Variants in RBFOX1 observed in about 807,000 individuals in gnomAD.
RBFOX1 encodes RNA binding fox-1 homolog 1.
In RBFOX1, 8 loss-of-function variants were observed where a neutral mutation model predicts 57.7. The observed-to-expected ratio is 0.14, with a 90% CI of 0.08 to 0.25. RBFOX1 has a LOEUF of 0.25. Ranked by LOEUF, RBFOX1 falls within the 10% of genes least tolerant of loss-of-function variation. RBFOX1 has a pLI of 1.00. For missense variants in RBFOX1, 611 were observed against 548.5 expected, an observed-to-expected ratio of 1.11 and a Z score of -1.14; for synonymous variants, 326 against 222.4, an observed-to-expected ratio of 1.47 and a Z score of -4.15.
At chr16:6,895,454 A>ATATATATG (rs1567761385) in intron 3 of RBFOX1, among the ~76,000 whole-genome samples, 1 of 74,158 alleles carries the variant, frequency 1.3e-5, no homozygotes, top group African/African-American at 6.7e-5. Flanking sequence ...GTGTGTATAT[A>ATATATATG]TATATATATA....
intron 4 of RBFOX1, among the ~76,000 whole-genome samples, chr16:7,150,762 A>G (rs2075959077): frequency 6.6e-6 from 1 of 152,238 alleles, no homozygotes; most frequent in Non-Finnish European, 1.5e-5. Context: ...TAGAACCAGC[A>G]GTGTTCACTG....
chr16:6,217,312 G>A (rs780026278), intron 1 of RBFOX1, among the ~76,000 whole-genome samples: 2 of 149,962 alleles, frequency 1.3e-5, no homozygotes, highest in Non-Finnish European at 3.0e-5. Flanking sequence ...TTCCTTTATT[G>A]GAGCATGCAT....
chr16:5,647,359 T>C (rs938427450), intron 3 of RBFOX1, among the ~76,000 whole-genome samples: 1 of 152,174 alleles, frequency 6.6e-6, no homozygotes, highest in Non-Finnish European at 1.5e-5. Context: ...TTTAGAAAAA[T>C]TAGGTCCCTT....
At chr16:6,140,301 C>T (rs541000989) in intron 1 of RBFOX1, among the ~76,000 whole-genome samples, 4 of 151,896 alleles carry the variant, frequency 2.6e-5, no homozygotes, top group Non-Finnish European at 5.9e-5. Flanking sequence ...AAGCGATTGT[C>T]CTGCTTCAGC....
At chr16:5,587,080 G>A (rs11863407) in intron 2 of RBFOX1, among the ~76,000 whole-genome samples, 15 of 152,258 alleles carry the variant, frequency 9.9e-5, no homozygotes, top group African/African-American at 3.4e-4. Flanking sequence ...TCTGAAAATG[G>A]ACATGGCCCA....
intron 3 of RBFOX1, among the ~76,000 whole-genome samples, chr16:6,776,300 A>G (rs910778537): frequency 6.6e-6 from 1 of 151,976 alleles, no homozygotes; most frequent in Non-Finnish European, 1.5e-5. Context: ...AGTCCCAGCT[A>G]CTCGGGGGGC....
chr16:5,831,713 G>T (rs149136151), intron 3 of RBFOX1, among the ~76,000 whole-genome samples: 4 of 151,912 alleles, frequency 2.6e-5, no homozygotes, highest in East Asian at 1.9e-4. Context: ...GGGATTACAG[G>T]TGTGAGCCAC....
chr16:6,606,521 C>A (rs2097928676), intron 2 of RBFOX1, among the ~76,000 whole-genome samples: 1 of 152,126 alleles, frequency 6.6e-6, no homozygotes, highest in South Asian at 2.1e-4. Context: ...TTCCCTCCTC[C>A]TTCCCCTCTA....
intron 3 of RBFOX1, among the ~76,000 whole-genome samples, chr16:6,702,336 C>T (rs1238368364): frequency 2.0e-5 from 3 of 152,090 alleles, no homozygotes; most frequent in African/African-American, 4.8e-5. Flanking sequence ...GGCAGATTAC[C>T]TGAGGTAAGG....
chr16:7,189,555 A>ACC (rs1491368106), intron 4 of RBFOX1, among the ~76,000 whole-genome samples: 3 of 78,064 alleles, frequency 3.8e-5, no homozygotes, highest in African/African-American at 1.1e-4. Context: ...GTCCCCCAAA[A>ACC]CACACACACA....
At chr16:5,544,883 A>G (rs146620986) in intron 2 of RBFOX1, among the ~76,000 whole-genome samples, 33 of 150,158 alleles carry the variant, frequency 2.2e-4, no homozygotes, top group African/African-American at 8.1e-4. Flanking sequence ...AGTTTTAGAG[A>G]TTGAATTTGT....
chr16:6,792,591 C>G (rs1488326820), intron 3 of RBFOX1, among the ~76,000 whole-genome samples: 1 of 152,182 alleles, frequency 6.6e-6, no homozygotes, highest in African/African-American at 2.4e-5. Flanking sequence ...GTGCCTCCTA[C>G]TACGAAGTCA....
At chr16:6,592,380 C>T (rs2097723618) in intron 2 of RBFOX1, among the ~76,000 whole-genome samples, 1 of 152,134 alleles carries the variant, frequency 6.6e-6, no homozygotes, top group Non-Finnish European at 1.5e-5. Context: ...ATGGGTGCTT[C>T]ATAATTAGGG....
chr16:5,302,433 A>G (rs1420019566), intron 1 of RBFOX1, among the ~76,000 whole-genome samples: 1 of 152,210 alleles, frequency 6.6e-6, no homozygotes, highest in Non-Finnish European at 1.5e-5. Context: ...CTGTCATACT[A>G]TAAATATCAA....
chr16:6,846,933 A>G (rs996603559), intron 3 of RBFOX1, among the ~76,000 whole-genome samples: 4 of 150,456 alleles, frequency 2.7e-5, no homozygotes, highest in African/African-American at 9.9e-5. Flanking sequence ...AAAAAAAAAG[A>G]GGTGATGGCT....
chr16:7,574,125 A>G (rs1227062161), intron 5 of RBFOX1, among the ~76,000 whole-genome samples: 2 of 152,192 alleles, frequency 1.3e-5, no homozygotes, highest in African/African-American at 2.4e-5. Flanking sequence ...CTGGGAACAT[A>G]CAGGCAGCAT....
chr16:7,017,703 C>G (rs1191617211), intron 3 of RBFOX1, among the ~76,000 whole-genome samples: 1 of 152,128 alleles, frequency 6.6e-6, no homozygotes, highest in Non-Finnish European at 1.5e-5. Context: ...TCTAGATGTT[C>G]AATAGCTTTT....
At chr16:7,308,883 G>T (rs1003666002) in intron 4 of RBFOX1, among the ~76,000 whole-genome samples, 3 of 152,182 alleles carry the variant, frequency 2.0e-5, no homozygotes, top group African/African-American at 7.2e-5. Flanking sequence ...AATTCTCATT[G>T]CAGTTACTTA....
chr16:5,345,408 C>G (rs879298707), intron 1 of RBFOX1, among the ~76,000 whole-genome samples: 2 of 152,210 alleles, frequency 1.3e-5, no homozygotes, highest in African/African-American at 4.8e-5. Flanking sequence ...CTAAAGCCCT[C>G]GTGCATGCCC....
Sources: gnomAD v4.1 joint callset for allele counts (sites outside exome capture counted in the v4.1 genomes callset) on GRCh38, gnomAD v4.1.1 for gene constraint, MANE v1.5 for transcripts, NCBI Gene and HGNC (gene_info 2026-07-23, HGNC 2026-07-21) for gene names.